The following EXOSC10 variants were observed in gnomAD, a reference collection of about 807,000 sequenced individuals.
The protein encoded by EXOSC10 is exosome component 10.
Under a neutral mutation model 126.6 loss-of-function variants are expected in EXOSC10, and 94 were observed. The ratio of observed to expected loss-of-function variants is 0.74; its 90% confidence interval spans 0.63 to 0.88. EXOSC10 has a LOEUF of 0.88. Ranked by LOEUF, EXOSC10 falls within the 40% of genes least tolerant of loss-of-function variation. The pLI, the probability that EXOSC10 is intolerant of heterozygous loss-of-function variation, is 0.00. For missense variants in EXOSC10, 1,041 were observed against 1,100.5 expected, an observed-to-expected ratio of 0.95 and a Z score of 0.77; for synonymous variants, 395 against 400.8, an observed-to-expected ratio of 0.99 and a Z score of 0.17.
At chr1:11,068,911 C>T in intron 22 of EXOSC10, 1 of 595,606 alleles carries the variant, frequency 1.7e-6, no homozygotes, top group Non-Finnish European at 3.0e-6. Flanking sequence ...AAACCAGGCC[C>T]ATTTCTCTCA....
At chr1:11,092,728 A>G (rs888673808) in intron 3 of EXOSC10, among the ~76,000 whole-genome samples, 8 of 151,980 alleles carry the variant, frequency 5.3e-5, no homozygotes, top group South Asian at 2.1e-4. Flanking sequence ...TATGTTGACC[A>G]AGCTGGTCTT....
intron 24 of EXOSC10, among the ~76,000 whole-genome samples, chr1:11,067,169 C>T (rs1287497311): frequency 1.3e-5 from 2 of 152,136 alleles, no homozygotes; most frequent in Non-Finnish European, 2.9e-5. Context: ...CGGTGGCTCA[C>T]GCCTGTAACC....
chr1:11,067,837 C>T (rs1191977201), intron 24 of EXOSC10, among the ~76,000 whole-genome samples, 171 bp downstream of exon 24: 8 of 152,034 alleles, frequency 5.3e-5, no homozygotes, highest in South Asian at 4.1e-4. Context: ...AATCACCTCC[C>T]GCCCTTGTTT....
In EXOSC10 at chr1:11,066,712, C is replaced by G. The variant is rs1226844790; in HGVS notation, c.*6G>C. 6.2e-7 allele frequency: 1 copy of G among 1,614,208 alleles called. No homozygotes were observed. The highest frequency in any genetic ancestry group is 8.5e-7 in the Non-Finnish European group (1 of 1,180,020). On this transcript the variant is annotated 3_prime_UTR_variant, in exon 25 of 25. Transcript: ENST00000376936. The stretch of plus-strand genomic sequence containing the variant: ...CCGGTCCACAGGCGCCACGTGTCTT[C>G]CAGGACTATCTCTGTGGCCAGTTGT...
intron 18 of EXOSC10, 72 bp downstream of exon 18, chr1:11,074,159 T>C: frequency 6.9e-7 from 1 of 1,445,764 alleles, no homozygotes; most frequent in South Asian, 1.1e-5. Context: ...GAGGCTTCCT[T>C]CCCAGGTAAA....
At chr1:11,073,883 A>G in intron 19 of EXOSC10, 51 bp downstream of exon 19, 1 of 1,171,842 alleles carries the variant, frequency 8.5e-7, no homozygotes. Context: ...ATCTCAAAAA[A>G]AAAAAAAAAA....
intron 17 of EXOSC10, among the ~76,000 whole-genome samples, chr1:11,076,039 C>G (rs1420499089): frequency 1.3e-5 from 2 of 151,658 alleles, no homozygotes; most frequent in Non-Finnish European, 1.5e-5. Context: ...GTGGCGGGCG[C>G]CTGCAATCCC....
In EXOSC10 at chr1:11,097,891, A is replaced by G; in HGVS notation, c.248+129T>C. ...TCCCTAATCAAAATCCATTGCTTCAATTTTCACATTTTATAGCTCTTCATA... is the reference window on the plus strand; with the variant it reads ...TCCCTAATCAAAATCCATTGCTTCAGTTTTCACATTTTATAGCTCTTCATA... On this transcript the variant is annotated intron_variant, in intron 2 of 24. Transcript: ENST00000376936. 2 of 952,788 alleles carry G rather than the reference A, an allele frequency of 2.1e-6. 1 individual carries two copies. Among genetic ancestry groups the G allele is most frequent in the South Asian group, 6.0e-5 (2 of 33,372 alleles). The allele number at this position is 952,788 out of a possible 1,614,324, so 59.0% of individuals were successfully genotyped here. A position where few individuals can be genotyped will look rare whatever the true frequency, so the allele number is the denominator to read the frequency against.
At chr1:11,071,546 T>A in intron 20 of EXOSC10, 1 of 165,294 alleles carries the variant, frequency 6.0e-6, no homozygotes, top group East Asian at 1.8e-4. Context: ...TGGACTCCCA[T>A]CCTGTCCTCT....
chr1:11,069,227 CTG>C (rs146028725), intron 22 of EXOSC10, among the ~76,000 whole-genome samples: 3 of 135,330 alleles, frequency 2.2e-5, no homozygotes, highest in Non-Finnish European at 3.3e-5. Context: ...AAACAAAATT[CTG>C]TGTGTGTGTG....
intron 17 of EXOSC10, 62 bp downstream of exon 17, chr1:11,076,780 G>A (rs1486099113): frequency 1.6e-6 from 2 of 1,280,668 alleles, no homozygotes; most frequent in Non-Finnish European, 2.3e-6. Flanking sequence ...ACAGCCTGCT[G>A]AATAAATCCA....
At position 11,066,698 on chromosome 1, in the gene EXOSC10, G is replaced by A; in HGVS notation, c.*20C>T. The A allele has an allele frequency of 6.2e-7, 1 of 1,613,986 alleles. No individual in the cohort carries two copies. The highest frequency in any genetic ancestry group is 8.5e-7 in the Non-Finnish European group (1 of 1,179,854). ...AGCATTTGGTGCTTCCGGTCCACAG[G>A]CGCCACGTGTCTTCCAGGACTATCT... On this transcript the variant is annotated 3_prime_UTR_variant, in exon 25 of 25. Transcript: ENST00000376936.
intron 23 of EXOSC10, 146 bp downstream of exon 23, chr1:11,068,499 A>T (rs927157188): frequency 8.9e-6 from 6 of 674,248 alleles, no homozygotes; most frequent in African/African-American, 1.8e-5. Flanking sequence ...GTAGCTGATC[A>T]GTACTGTCTG....
chr1:11,078,584 C>CA (rs933917114), intron 14 of EXOSC10, among the ~76,000 whole-genome samples: 34 of 151,832 alleles, frequency 2.2e-4, no homozygotes, highest in East Asian at 9.7e-4. Context: ...ACAACAACAA[C>CA]AAAAAAAACA....
At chr1:11,076,760 C>T (rs904076439) in intron 17 of EXOSC10, 82 bp downstream of exon 17, 2 of 1,087,904 alleles carry the variant, frequency 1.8e-6, no homozygotes, top group South Asian at 1.3e-5. Flanking sequence ...GTATGCAATG[C>T]TCCAGGCAGA....
chr1:11,077,044 T>C, intron 16 of EXOSC10, 96 bp from the exon 17 acceptor site: 1 of 887,358 alleles, frequency 1.1e-6, no homozygotes, highest in South Asian at 1.4e-5. Context: ...TAGGCTGGAG[T>C]ACAATGGCAC....
rs1415080399 is a variant in EXOSC10 at position 11,082,758 on chromosome 1, C to T, written c.1210G>A (p.Asp404Asn). 42 of 1,614,040 alleles carry T rather than the reference C, an allele frequency of 2.6e-5. No individual in the cohort carries two copies. Among genetic ancestry groups the T allele is most frequent in the Non-Finnish European group, 3.6e-5 (42 of 1,180,036 alleles). The part of the protein sequence containing the change: ...RLLNLGRHSL[D>N]HLLKLYCNVD... The stretch of plus-strand genomic sequence containing the variant: ...TTGCAGTAGAGTTTCAGGAGATGAT[C>T]GAGTGAGTGCCTGCCCAGGTTAAGA... Residue 404 changes from aspartate to asparagine, a missense_variant, in exon 10 of 25, where the codon GAT becomes AAT. This residue lies in a region of EXOSC10 where 645 missense variants were observed against 656.3 expected (regional missense o/e 0.98). Coordinates refer to ENST00000376936, the MANE Select transcript of EXOSC10 (RefSeq NM_001001998.3).
Position 11,069,653 on chromosome 1 carries a change from T to A in EXOSC10, c.2394A>T (p.Arg798=). The A allele has an allele frequency of 1.2e-6, 2 of 1,614,154 alleles. No individual in the cohort carries two copies. Among genetic ancestry groups the A allele is most frequent in the African/African-American group, 1.3e-5 (1 of 75,024 alleles). ...CCTTTGGCTTCTTGGAAATTTTGAGTCGTTTCTTCTCTTGTTTCTGTTCTG... is the reference window on the plus strand; with the variant it reads ...CCTTTGGCTTCTTGGAAATTTTGAGACGTTTCTTCTCTTGTTTCTGTTCTG... ...RTTEQKQEKK[R]LKISKKPKDP... The change falls in exon 22 of 25, where the codon CGA becomes CGT. Residue 798 remains arginine, a synonymous_variant. Transcript: ENST00000376936.
chr1:11,067,953 A>G lies in EXOSC10; in HGVS notation c.2627+55T>C, dbSNP rs1244919804. ...CTACTCCCCACGGACCACACCACGC[A>G]GGGCAGGTGCTTTCTCACTGGGCTC... On this transcript the variant is annotated intron_variant, in intron 24 of 24. Transcript: ENST00000376936. 6.0e-6 allele frequency: 9 copies of G among 1,505,984 alleles called. No homozygotes were observed. In the African/African-American group the frequency reaches 1.2e-4, roughly 21 times the overall value. 93.3% of individuals were successfully genotyped at this position (1,505,984 alleles called of 1,614,324 possible). A position where few individuals can be genotyped will look rare whatever the true frequency, so the allele number is the denominator to read the frequency against.
Sources: gnomAD v4.1 joint callset for allele counts (sites outside exome capture counted in the v4.1 genomes callset) on GRCh38, gnomAD v4.1.1 for gene constraint, gnomAD v4.1.1 regional missense constraint, MANE v1.5 for transcripts, NCBI Gene and HGNC (gene_info 2026-07-23, HGNC 2026-07-21) for gene names.